Variants in CPXM2 observed in about 807,000 individuals in gnomAD.
CPXM2 encodes the protein inactive carboxypeptidase-like protein X2.
A neutral mutation model predicts 86.1 loss-of-function variants in CPXM2; 66 were observed. The observed-to-expected ratio is 0.77, with a 90% CI of 0.63 to 0.94. The LOEUF (loss-of-function observed/expected upper bound fraction) is 0.94. CPXM2 is among the 40% of genes least tolerant of loss of function. The pLI is 0.00. For missense variants in CPXM2, 948 were observed against 1,026.3 expected, an observed-to-expected ratio of 0.92 and a Z score of 1.04; for synonymous variants, 388 against 400.2, an observed-to-expected ratio of 0.97 and a Z score of 0.36.
intron 2 of CPXM2, among the ~76,000 whole-genome samples, chr10:123,931,236 C>G (rs1447891106): frequency 6.6e-6 from 1 of 151,316 alleles, no homozygotes; most frequent in African/African-American, 2.5e-5. Context: ...TCTATGAGGC[C>G]GAACCCCAGT....
At chr10:123,833,598 G>C (rs2134136913) in intron 4 of CPXM2, among the ~76,000 whole-genome samples, 1 of 152,340 alleles carries the variant, frequency 6.6e-6, no homozygotes, top group South Asian at 2.1e-4. Context: ...CTTTCCACAG[G>C]CATCTCAGCA....
intron 3 of CPXM2, 55 bp from the exon 4 acceptor site, chr10:123,842,543 A>T (rs1590057533): frequency 1.1e-5 from 18 of 1,569,662 alleles, no homozygotes; most frequent in Admixed American, 5.2e-5. Flanking sequence ...AAGAAAATTA[A>T]GACATATCTT....
At chr10:123,758,317 G>T (rs1050282085) in intron 11 of CPXM2, among the ~76,000 whole-genome samples, 1 of 151,766 alleles carries the variant, frequency 6.6e-6, no homozygotes, top group Non-Finnish European at 1.5e-5. Context: ...CTCTAGAAGT[G>T]GGGGCCTCCT....
Position 123,891,215 on chromosome 10 carries a change from C to A in CPXM2, c.304+141G>T, listed in dbSNP as rs529382126. 5 of 701,652 alleles carry A rather than the reference C, an allele frequency of 7.1e-6. No individual in the cohort carries two copies. The African/African-American group carries it at 7.5e-5, about 10-fold the overall frequency. 43.5% of individuals were successfully genotyped at this position (701,652 alleles called of 1,614,324 possible). On this transcript the variant is annotated intron_variant, in intron 1 of 13. Coordinates refer to ENST00000241305, the MANE Select transcript of CPXM2 (RefSeq NM_198148.3). This position sits in a 1 kb window ranked among gnomAD's most constrained non-coding sequence, Gnocchi z 5.6. Reference sequence around the variant, plus strand: ...GCCGGCAGGAAGCGCAGATACAGTCCCTAGGGAGGCAGAGGCGGCAACAGG... The same window carrying A: ...GCCGGCAGGAAGCGCAGATACAGTCACTAGGGAGGCAGAGGCGGCAACAGG...
At chr10:123,887,224 T>A (rs751087350) in intron 1 of CPXM2, 2 of 151,544 alleles carry the variant, frequency 1.3e-5, no homozygotes, top group Non-Finnish European at 2.9e-5. Flanking sequence ...ACTGTTAGAA[T>A]CTCGCAATAA....
intron 2 of CPXM2, among the ~76,000 whole-genome samples, chr10:123,927,877 C>G (rs74162978): frequency 6.6e-6 from 1 of 152,206 alleles, no homozygotes; most frequent in African/African-American, 2.4e-5. Context: ...ATCTCCCTTT[C>G]GGGAATTTTC....
chr10:123,794,156 G>A (rs886155900), intron 6 of CPXM2, among the ~76,000 whole-genome samples: 1 of 152,152 alleles, frequency 6.6e-6, no homozygotes, highest in South Asian at 2.1e-4. Flanking sequence ...TTGAGGGAGT[G>A]GCTCCTGTCC....
At chr10:123,801,366 G>A (rs1847454569) in intron 4 of CPXM2, among the ~76,000 whole-genome samples, 1 of 152,102 alleles carries the variant, frequency 6.6e-6, no homozygotes, top group Non-Finnish European at 1.5e-5. Flanking sequence ...GTGGAACTGT[G>A]AGTCCATTAA....
At position 123,794,736 on chromosome 10, in the gene CPXM2, TG is replaced by T. The variant is rs1564772719; in HGVS notation, c.889+3239del. On this transcript the variant is annotated intron_variant, in intron 6 of 13. Transcript: ENST00000241305. ...ATTTTTATTTATTTATTTAAGACCG[TG>T]TGTGTGTGTGTGTGTGTGTGTGTGT... 6.2e-4 allele frequency among the ~76,000 whole-genome samples: 68 copies of T among 109,232 alleles called. 1 individual carries two copies. Among genetic ancestry groups the T allele is most frequent in the Non-Finnish European group, 1.5e-4 (7 of 46,166 alleles). 71.7% of individuals were successfully genotyped at this position (109,232 alleles called of 152,430 possible).
At chr10:123,815,969 G>A (rs1847806068) in intron 4 of CPXM2, among the ~76,000 whole-genome samples, 2 of 152,076 alleles carry the variant, frequency 1.3e-5, no homozygotes, top group South Asian at 2.1e-4. Flanking sequence ...GCAGCTCAGG[G>A]AGTTAAAAAA....
At chr10:123,890,786 C>G (rs535471622) in intron 1 of CPXM2, among the ~76,000 whole-genome samples, 2 of 152,288 alleles carry the variant, frequency 1.3e-5, no homozygotes, top group Admixed American at 1.3e-4. Flanking sequence ...CAGGCTGCAG[C>G]AGACTCCAGG....
intron 6 of CPXM2, among the ~76,000 whole-genome samples, chr10:123,783,510 CAG>C (rs1846982117): frequency 6.6e-6 from 1 of 152,188 alleles, no homozygotes; most frequent in Admixed American, 6.5e-5. Context: ...ACTTTTCTCA[CAG>C]AGCTTGCAGG....
chr10:123,927,546 C>A (rs1945634065), intron 2 of CPXM2, among the ~76,000 whole-genome samples: 1 of 152,166 alleles, frequency 6.6e-6, no homozygotes, highest in Non-Finnish European at 1.5e-5. Context: ...CGCACCTTGC[C>A]CAAGGTCACA....
rs539788181 is a variant in CPXM2 at position 123,778,662 on chromosome 10, T to C, written c.978+1505A>G. Among the ~76,000 whole-genome samples the C allele has an allele frequency of 3.3e-5, 5 of 152,364 alleles. 1 individual carries two copies. The South Asian group carries it at 6.2e-4, about 19-fold the overall frequency. The stretch of plus-strand genomic sequence containing the variant: ...GTGCAATTCACTCATTTTAAATGCA[T>C]TGGGATTTATTGCTTTTGACATTAA... On this transcript the variant is annotated intron_variant, in intron 7 of 13. Coordinates refer to ENST00000241305, the MANE Select transcript of CPXM2 (RefSeq NM_198148.3).
Position 123,865,875 on chromosome 10 carries a change from G to GCTCCTGA in CPXM2, c.404-3159_404-3153dup, listed in dbSNP as rs1848966166. 6.6e-6 allele frequency among the ~76,000 whole-genome samples: 1 copy of GCTCCTGA among 151,872 alleles called. No individual in the cohort carries two copies. Among genetic ancestry groups the GCTCCTGA allele is most frequent in the Non-Finnish European group, 1.5e-5 (1 of 67,986 alleles). ...TCTCCCTTCCTTTCCTGGGATTTTTGCTCCTGACTCCATTCATTCACAGTG... is the reference window on the plus strand; with the variant it reads ...TCTCCCTTCCTTTCCTGGGATTTTTGCTCCTGACTCCTGACTCCATTCATTCACAGTG... On this transcript the variant is annotated intron_variant, in intron 2 of 13. Coordinates refer to ENST00000241305, the MANE Select transcript of CPXM2 (RefSeq NM_198148.3). This position sits in a 1 kb window ranked among gnomAD's most constrained non-coding sequence, Gnocchi z 4.7.
chr10:123,917,558 T>C (rs1161492776), intron 2 of CPXM2, among the ~76,000 whole-genome samples: 1 of 152,226 alleles, frequency 6.6e-6, no homozygotes, highest in Non-Finnish European at 1.5e-5. Flanking sequence ...CAGATTTTAA[T>C]GGCACCTTTC....
intron 4 of CPXM2, among the ~76,000 whole-genome samples, chr10:123,802,687 T>C (rs946850366): frequency 1.3e-5 from 2 of 152,208 alleles, no homozygotes; most frequent in African/African-American, 4.8e-5. Context: ...TGCTAGGTCA[T>C]AGGGTCAGAG....
intron 13 of CPXM2, chr10:123,750,564 A>G (rs1398513929): frequency 2.9e-5 from 28 of 979,740 alleles, no homozygotes; most frequent in Non-Finnish European, 3.3e-5. Flanking sequence ...GGCACTGATC[A>G]TAGTGTGTAG....
upstream of CPXM2, among the ~76,000 whole-genome samples, chr10:123,942,601 C>A (rs900075222): frequency 3.3e-5 from 5 of 152,334 alleles, no homozygotes; most frequent in Admixed American, 1.3e-4. Flanking sequence ...GTGGGAGGAA[C>A]CCTCAGTTCC....
Sources: allele counts gnomAD v4.1 joint callset (sites outside exome capture counted in the v4.1 genomes callset), GRCh38; gene constraint gnomAD v4.1.1; non-coding constraint Gnocchi (gnomAD v3.1); transcripts MANE v1.5; gene names NCBI Gene and HGNC (gene_info 2026-07-23, HGNC 2026-07-21).